Variants in NDFIP2 observed in about 807,000 individuals in gnomAD.
The protein encoded by NDFIP2 is NEDD4 family-interacting protein 2.
NDFIP2 carries 19 observed loss-of-function variants against 36.0 expected under a neutral mutation model. That is an observed-to-expected ratio of 0.53 (90% CI 0.37 to 0.77). The LOEUF (loss-of-function observed/expected upper bound fraction) is 0.77, where lower values mean the gene tolerates loss of function less well. Among genes scored for constraint, NDFIP2 ranks in the 30% least tolerant of loss-of-function variants. NDFIP2 has a pLI of 0.00. For synonymous variants in NDFIP2, 181 were observed against 167.7 expected (o/e 1.08, Z -0.61); for missense variants, 446 against 435.8 (o/e 1.02, Z -0.21).
intron 5 of NDFIP2, among the ~76,000 whole-genome samples, chr13:79,545,754 G>GGA (rs1466449011): frequency 1.3e-5 from 2 of 151,646 alleles, no homozygotes; most frequent in Non-Finnish European, 2.9e-5. Context: ...TTTTTTTTGT[G>GGA]GAGACGGGGT....
chr13:79,548,212 G>A (rs1374004554), intron 5 of NDFIP2, 116 bp from the exon 6 acceptor site: 2 of 780,450 alleles, frequency 2.6e-6, no homozygotes, highest in Non-Finnish European at 4.2e-6. Flanking sequence ...TTTCCTTTGT[G>A]CCATTTTTAA....
At chr13:79,490,068 A>G (rs148190944) in intron 1 of NDFIP2, among the ~76,000 whole-genome samples, 57 of 152,278 alleles carry the variant, frequency 3.7e-4, no homozygotes, top group African/African-American at 1.3e-3. Context: ...GTGATAGGCA[A>G]GAGGCCACCC....
chr13:79,551,668 C>T (rs990578415), intron 7 of NDFIP2, among the ~76,000 whole-genome samples: 1 of 151,372 alleles, frequency 6.6e-6, no homozygotes, highest in Non-Finnish European at 1.5e-5. Context: ...TTTTTATCAA[C>T]TATGAAGGCT....
At chr13:79,481,634 T>C in intron 1 of NDFIP2, 110 bp downstream of exon 1, 2 of 1,319,940 alleles carry the variant, frequency 1.5e-6, no homozygotes, top group Non-Finnish European at 2.0e-6. Context: ...TTTTTTGTTG[T>C]GTTTTGTTTT....
At chr13:79,502,190 GATCT>G (rs1483246547) in intron 1 of NDFIP2, among the ~76,000 whole-genome samples, 1 of 152,056 alleles carries the variant, frequency 6.6e-6, no homozygotes, top group African/African-American at 2.4e-5. Context: ...ATAGGTGGTG[GATCT>G]ATATCTTAAA....
chr13:79,542,512 G>GTTTTT (rs1291989853), intron 4 of NDFIP2, among the ~76,000 whole-genome samples: 2 of 143,184 alleles, frequency 1.4e-5, no homozygotes, highest in African/African-American at 5.1e-5. Flanking sequence ...TCTGTTTTTT[G>GTTTTT]TTTTTTTTTT....
chr13:79,539,487 C>G (rs1875374741), intron 3 of NDFIP2, among the ~76,000 whole-genome samples, 195 bp from the exon 4 acceptor site: 1 of 152,050 alleles, frequency 6.6e-6, no homozygotes, highest in African/African-American at 2.4e-5. Flanking sequence ...TAAAGTTACT[C>G]TTTTCAAATG....
At chr13:79,542,384 T>C (rs1875488622) in intron 4 of NDFIP2, among the ~76,000 whole-genome samples, 1 of 152,192 alleles carries the variant, frequency 6.6e-6, no homozygotes, top group African/African-American at 2.4e-5. Context: ...TTGTAAGAAA[T>C]TGCCAAACTG....
intron 2 of NDFIP2, among the ~76,000 whole-genome samples, chr13:79,522,347 A>G (rs1195606759): frequency 6.6e-6 from 1 of 152,196 alleles, no homozygotes; most frequent in Non-Finnish European, 1.5e-5. Context: ...TTAGATTAAA[A>G]AAATTAATTT....
chr13:79,505,220 G>C (rs73551567), intron 1 of NDFIP2, among the ~76,000 whole-genome samples: 6,515 of 152,280 alleles, frequency 0.043, 484 homozygotes, highest in African/African-American at 0.15. Context: ...TCACAGAATT[G>C]CTTGTGGAAA....
At chr13:79,507,146 T>C (rs371999065) in intron 1 of NDFIP2, among the ~76,000 whole-genome samples, 2 of 152,250 alleles carry the variant, frequency 1.3e-5, no homozygotes, top group East Asian at 3.9e-4. Context: ...TTGCTTTCTG[T>C]TTACCAGAAG....
At chr13:79,522,511 A>G (rs926662443) in intron 2 of NDFIP2, among the ~76,000 whole-genome samples, 10 of 152,204 alleles carry the variant, frequency 6.6e-5, no homozygotes, top group Admixed American at 2.6e-4. Context: ...TAAAATATCA[A>G]TCATTTATTA....
intron 1 of NDFIP2, among the ~76,000 whole-genome samples, chr13:79,515,040 C>T (rs1013064769): frequency 5.3e-5 from 8 of 152,100 alleles, no homozygotes; most frequent in Non-Finnish European, 8.8e-5. Context: ...GGGTGAACAT[C>T]GTAGACTAAT....
intron 1 of NDFIP2, among the ~76,000 whole-genome samples, chr13:79,502,775 GTATATACATACATATA>G (rs762615078): frequency 2.0e-5 from 3 of 151,862 alleles, no homozygotes; most frequent in African/African-American, 4.8e-5. Context: ...GAAAATGGGA[GTATATACATACATATA>G]TATTTCTTTT....
At chr13:79,486,856 G>A (rs561799445) in intron 1 of NDFIP2, among the ~76,000 whole-genome samples, 15 of 152,206 alleles carry the variant, frequency 9.9e-5, no homozygotes, top group Admixed American at 3.3e-4. Context: ...ATACAATAAC[G>A]TGCTGTACAG....
intron 5 of NDFIP2, among the ~76,000 whole-genome samples, chr13:79,547,213 A>C (rs974901083): frequency 6.6e-6 from 1 of 152,118 alleles, no homozygotes; most frequent in Non-Finnish European, 1.5e-5. Flanking sequence ...TGATAACATT[A>C]TTTACAATTT....
intron 1 of NDFIP2, among the ~76,000 whole-genome samples, chr13:79,492,711 G>A (rs938011638): frequency 6.6e-6 from 1 of 152,156 alleles, no homozygotes; most frequent in East Asian, 1.9e-4. Flanking sequence ...TTAAGTATTT[G>A]TTTTTAACCT....
At chr13:79,490,616 C>G (rs753405505) in intron 1 of NDFIP2, among the ~76,000 whole-genome samples, 4 of 152,128 alleles carry the variant, frequency 2.6e-5, no homozygotes, top group Non-Finnish European at 5.9e-5. Context: ...GGGCTGTGTT[C>G]CAGAAGACTA....
Position 79,555,136 on chromosome 13 carries a change from A to G in NDFIP2, c.*2623A>G, listed in dbSNP as rs1436606800. The G allele has an allele frequency of 1.3e-5, 2 of 151,230 alleles. No homozygotes were observed. The highest frequency in any genetic ancestry group is 3.0e-5 in the Non-Finnish European group (2 of 67,682). The allele number at this position is 151,230 out of a possible 1,614,324, so 9.4% of individuals were successfully genotyped here. On this transcript the variant is annotated 3_prime_UTR_variant, in exon 8 of 8. Coordinates refer to ENST00000218652, the MANE Select transcript of NDFIP2 (RefSeq NM_019080.3). ...AGTTGTTCACAGATTTTTACCTGCTAAAACAATATTATTTCCAGTAAAACC... is the reference window on the plus strand; with the variant it reads ...AGTTGTTCACAGATTTTTACCTGCTGAAACAATATTATTTCCAGTAAAACC...
Sources: allele counts gnomAD v4.1 joint callset (sites outside exome capture counted in the v4.1 genomes callset), GRCh38; gene constraint gnomAD v4.1.1; transcripts MANE v1.5; gene names NCBI Gene and HGNC (gene_info 2026-07-23, HGNC 2026-07-21).